MYO5A: variants seen among roughly 807,000 people sequenced by gnomAD.
MYO5A encodes the protein myosin VA, also known as unconventional myosin-Va.
A neutral mutation model predicts 249.7 loss-of-function variants in MYO5A; 98 were observed. That is an observed-to-expected ratio of 0.39 (90% CI 0.33 to 0.46). MYO5A has a LOEUF of 0.46. MYO5A is among the 20% of genes least tolerant of loss of function. The pLI is 0.98. For missense variants in MYO5A, 1,696 were observed against 2,308.8 expected (o/e 0.73, Z 5.44); for synonymous variants, 778 against 810.6 (o/e 0.96, Z 0.68).
intron 1 of MYO5A, among the ~76,000 whole-genome samples, chr15:52,460,453 C>T (rs1026409119): frequency 6.6e-6 from 1 of 152,208 alleles, no homozygotes; most frequent in African/African-American, 2.4e-5. Context: ...GAGACCAGCC[C>T]GGCCAACACG....
intron 35 of MYO5A, 85 bp from the exon 36 acceptor site, chr15:52,328,091 T>C: frequency 1.8e-6 from 2 of 1,127,012 alleles, no homozygotes; most frequent in African/African-American, 1.6e-5. Context: ...ACAGTTGTCA[T>C]GTAAGAGTTC....
intron 1 of MYO5A, among the ~76,000 whole-genome samples, chr15:52,484,797 C>A (rs932368549): frequency 6.6e-6 from 1 of 152,166 alleles, no homozygotes; most frequent in Non-Finnish European, 1.5e-5. Context: ...GCACCCACCA[C>A]CACGCTTGCC....
At chr15:52,425,556 C>T (rs562264582) in intron 4 of MYO5A, among the ~76,000 whole-genome samples, 6 of 152,164 alleles carry the variant, frequency 3.9e-5, no homozygotes, top group East Asian at 3.9e-4. Context: ...GGCGGGGTTT[C>T]GCCATGTTGG....
intron 20 of MYO5A, among the ~76,000 whole-genome samples, chr15:52,373,024 T>A (rs1247187982): frequency 6.6e-6 from 1 of 152,114 alleles, no homozygotes; most frequent in Non-Finnish European, 1.5e-5. Context: ...ACCATTCTAG[T>A]GAGGATTTTC....
At chr15:52,384,055 C>G in intron 15 of MYO5A, 106 bp downstream of exon 15, 1 of 1,374,420 alleles carries the variant, frequency 7.3e-7, no homozygotes, top group African/African-American at 1.4e-5. Flanking sequence ...AAGCTCTAGG[C>G]TCTCCTCACC....
chr15:52,356,495 A>G (rs1021195609), intron 25 of MYO5A, among the ~76,000 whole-genome samples: 2 of 152,072 alleles, frequency 1.3e-5, no homozygotes, highest in Non-Finnish European at 2.9e-5. Flanking sequence ...CAAATTTATA[A>G]TATGATATTT....
intron 11 of MYO5A, among the ~76,000 whole-genome samples, chr15:52,394,723 A>G (rs1042369473): frequency 2.6e-5 from 4 of 152,236 alleles, no homozygotes; most frequent in African/African-American, 7.2e-5. Flanking sequence ...GTTCCTAAAG[A>G]GGCTGGCATT....
At chr15:52,454,904 G>A (rs962667326) in intron 1 of MYO5A, among the ~76,000 whole-genome samples, 4 of 151,818 alleles carry the variant, frequency 2.6e-5, no homozygotes, top group Admixed American at 6.6e-5. Flanking sequence ...TAATAATGGT[G>A]CATGTTAAGG....
At chr15:52,505,374 C>G in intron 1 of MYO5A, 1 of 783,112 alleles carries the variant, frequency 1.3e-6, no homozygotes, top group South Asian at 1.3e-5. Context: ...TCAAGTCTTA[C>G]GAAAAGGAAA....
intron 36 of MYO5A, among the ~76,000 whole-genome samples, chr15:52,325,451 G>T (rs2140942978): frequency 6.6e-6 from 1 of 150,958 alleles, no homozygotes; most frequent in African/African-American, 2.4e-5. Flanking sequence ...GCCCAGGCTG[G>T]AGTGCAGTGG....
intron 1 of MYO5A, among the ~76,000 whole-genome samples, chr15:52,476,486 A>C (rs1213968279): frequency 3.3e-5 from 5 of 152,136 alleles, no homozygotes; most frequent in African/African-American, 4.8e-5. Flanking sequence ...TCTTCCTAGC[A>C]TCGATGGTCT....
intron 1 of MYO5A, among the ~76,000 whole-genome samples, chr15:52,462,614 A>C (rs2076274608): frequency 6.6e-6 from 1 of 152,118 alleles, no homozygotes; most frequent in South Asian, 2.1e-4. Context: ...TTCGGAGGCC[A>C]AGGTGGGCAG....
At chr15:52,510,050 G>A (rs765594233) in intron 1 of MYO5A, among the ~76,000 whole-genome samples, 1 of 152,206 alleles carries the variant, frequency 6.6e-6, no homozygotes, top group Non-Finnish European at 1.5e-5. Flanking sequence ...TGGCAGTGAA[G>A]AATGAAAACC....
In MYO5A at chr15:52,370,280, G is replaced by A. The variant is rs1596357398; in HGVS notation, c.2955C>T (p.Val985=). Reference sequence around the variant, plus strand: ...TGGCAATTTCTTCCTGCAGACTAAGGACCCGCCCAGTGGCAACTTTCGCTT... The same window carrying A: ...TGGCAATTTCTTCCTGCAGACTAAGAACCCGCCCAGTGGCAACTTTCGCTT... ...EEEAKVATGR[V]LSLQEEIAKL... Residue 985 remains valine, a synonymous_variant, in exon 22 of 42, where the codon GTC becomes GTT. Transcript: ENST00000399233. 13 of 1,614,082 alleles carry A rather than the reference G, an allele frequency of 8.1e-6. No homozygotes were observed. The highest frequency in any genetic ancestry group is 1.1e-5 in the Non-Finnish European group (13 of 1,179,976).
chr15:52,386,845 G>GTCTC (rs1193633058), intron 14 of MYO5A, among the ~76,000 whole-genome samples: 1 of 152,092 alleles, frequency 6.6e-6, no homozygotes, highest in Non-Finnish European at 1.5e-5. Flanking sequence ...ACAACACCTG[G>GTCTC]TCTCGACTTA....
chr15:52,493,492 G>T (rs954791130), intron 1 of MYO5A, among the ~76,000 whole-genome samples: 1 of 151,802 alleles, frequency 6.6e-6, no homozygotes, highest in Non-Finnish European at 1.5e-5. Context: ...GTGAAACTCC[G>T]TTCTACTAAA....
At chr15:52,401,658 T>C (rs558691845) in intron 9 of MYO5A, among the ~76,000 whole-genome samples, 3 of 152,316 alleles carry the variant, frequency 2.0e-5, no homozygotes, top group Admixed American at 6.5e-5. Flanking sequence ...CTAACTGGGA[T>C]TTTCTGGACT....
intron 20 of MYO5A, among the ~76,000 whole-genome samples, chr15:52,373,099 T>A (rs1017660943): frequency 6.6e-6 from 1 of 152,184 alleles, no homozygotes; most frequent in Non-Finnish European, 1.5e-5. Flanking sequence ...GATGGGGCTT[T>A]AAAATGAAAG....
chr15:52,504,051 C>CTT (rs1224056449), intron 1 of MYO5A, among the ~76,000 whole-genome samples: 1 of 46,890 alleles, frequency 2.1e-5, no homozygotes, highest in Admixed American at 2.3e-4. Flanking sequence ...GCTGTTTCTC[C>CTT]TTCTTTTTTT....
Sources: allele counts gnomAD v4.1 joint callset (sites outside exome capture counted in the v4.1 genomes callset), GRCh38; gene constraint gnomAD v4.1.1; transcripts MANE v1.5; gene names NCBI Gene and HGNC (gene_info 2026-07-23, HGNC 2026-07-21).